The following EEPD1 variants were observed in gnomAD, a reference collection of about 807,000 sequenced individuals.
EEPD1 encodes endonuclease/exonuclease/phosphatase family domain containing 1.
In EEPD1, 17 loss-of-function variants were observed where a neutral mutation model predicts 46.3. That is an observed-to-expected ratio of 0.37 (90% CI 0.25 to 0.55). EEPD1 has a LOEUF of 0.55. Ranked by LOEUF, EEPD1 falls within the 20% of genes least tolerant of loss-of-function variation. The probability of loss-of-function intolerance (pLI) is 0.83; values close to 1 mark genes in which losing one functional copy is unlikely to be tolerated. For missense variants in EEPD1, 673 were observed against 745.6 expected (o/e 0.90, Z 1.13); for synonymous variants, 313 against 315.6 (o/e 0.99, Z 0.09).
chr7:36,294,744 G>T (rs1035098299), intron 6 of EEPD1, among the ~76,000 whole-genome samples: 12 of 152,200 alleles, frequency 7.9e-5, no homozygotes, highest in African/African-American at 2.9e-4. Flanking sequence ...TTTATATGGA[G>T]AGTTCATATA....
At chr7:36,275,382 A>G (rs1216623413) in intron 3 of EEPD1, among the ~76,000 whole-genome samples, 1 of 152,230 alleles carries the variant, frequency 6.6e-6, no homozygotes, top group East Asian at 1.9e-4. Context: ...AGGATCTCTG[A>G]ACTTAGTGGT....
At chr7:36,259,859 G>A (rs1473153901) in intron 3 of EEPD1, among the ~76,000 whole-genome samples, 1 of 152,178 alleles carries the variant, frequency 6.6e-6, no homozygotes, top group African/African-American at 2.4e-5. Context: ...AGATAAGACA[G>A]TAGATTAGTG....
chr7:36,177,372 G>A (rs1326508688), intron 2 of EEPD1, among the ~76,000 whole-genome samples: 1 of 152,064 alleles, frequency 6.6e-6, no homozygotes, highest in Non-Finnish European at 1.5e-5. Context: ...CCATCATCCA[G>A]GTAGTGAGCA....
chr7:36,160,939 T>A (rs1784894604), intron 2 of EEPD1, among the ~76,000 whole-genome samples: 1 of 152,164 alleles, frequency 6.6e-6, no homozygotes, highest in African/African-American at 2.4e-5. Flanking sequence ...CACACATGCC[T>A]CTGTATTATT....
At chr7:36,253,878 CT>C (rs1251508758) in intron 3 of EEPD1, among the ~76,000 whole-genome samples, 2 of 152,106 alleles carry the variant, frequency 1.3e-5, no homozygotes, top group Admixed American at 1.3e-4. Flanking sequence ...TTTTAATCCA[CT>C]TTTAGTCTCT....
chr7:36,167,058 C>T (rs956428892), intron 2 of EEPD1, among the ~76,000 whole-genome samples: 3 of 152,158 alleles, frequency 2.0e-5, no homozygotes, highest in Non-Finnish European at 4.4e-5. Context: ...CCTTTCCCTG[C>T]GTCTTCACAT....
chr7:36,194,747 C>T (rs1785547261), intron 2 of EEPD1, among the ~76,000 whole-genome samples: 1 of 152,176 alleles, frequency 6.6e-6, no homozygotes, highest in African/African-American at 2.4e-5. Context: ...GTTGGAGAGG[C>T]AGCAGGTGGT....
chr7:36,256,392 T>G (rs1200114888), intron 3 of EEPD1, among the ~76,000 whole-genome samples: 1 of 152,116 alleles, frequency 6.6e-6, no homozygotes, highest in Non-Finnish European at 1.5e-5. Flanking sequence ...TTTTCTGTCT[T>G]GTTGATCTGT....
At chr7:36,258,358 T>C (rs1786859702) in intron 3 of EEPD1, among the ~76,000 whole-genome samples, 1 of 152,200 alleles carries the variant, frequency 6.6e-6, no homozygotes, top group African/African-American at 2.4e-5. Context: ...AGCGCTGTGC[T>C]GGGAGATCCA....
chr7:36,204,447 C>G (rs537406380), intron 2 of EEPD1, among the ~76,000 whole-genome samples: 2 of 151,176 alleles, frequency 1.3e-5, no homozygotes, highest in East Asian at 3.9e-4. Context: ...GGAGGAGGGA[C>G]TTTTGTGTAG....
At chr7:36,293,649 C>T (rs1225777640) in intron 6 of EEPD1, among the ~76,000 whole-genome samples, 1 of 152,126 alleles carries the variant, frequency 6.6e-6, no homozygotes, top group Non-Finnish European at 1.5e-5. Flanking sequence ...AGGAACACCC[C>T]CACCCCATAC....
chr7:36,283,738 T>G (rs1443447197), intron 4 of EEPD1, among the ~76,000 whole-genome samples: 3 of 152,192 alleles, frequency 2.0e-5, no homozygotes, highest in African/African-American at 7.2e-5. Flanking sequence ...AACACGCATG[T>G]TCAGACAAGG....
chr7:36,196,372 C>T (rs983293272), intron 2 of EEPD1, among the ~76,000 whole-genome samples: 4 of 151,958 alleles, frequency 2.6e-5, no homozygotes, highest in African/African-American at 7.3e-5. Context: ...TCTTTCAGCT[C>T]GTCTCCCGTC....
intron 2 of EEPD1, among the ~76,000 whole-genome samples, chr7:36,222,007 A>G (rs1480997218): frequency 6.6e-6 from 1 of 152,150 alleles, no homozygotes; most frequent in Non-Finnish European, 1.5e-5. Context: ...TCATCACTAG[A>G]CACATTATAT....
chr7:36,236,312 G>A (rs534001800), intron 2 of EEPD1, among the ~76,000 whole-genome samples: 3 of 152,322 alleles, frequency 2.0e-5, no homozygotes, highest in East Asian at 3.9e-4. Flanking sequence ...GGGCGGAAGC[G>A]GCGCTGGCGG....
intron 4 of EEPD1, among the ~76,000 whole-genome samples, chr7:36,283,891 C>T (rs1232760466): frequency 6.6e-6 from 1 of 152,178 alleles, no homozygotes; most frequent in Non-Finnish European, 1.5e-5. Flanking sequence ...ATGCAGATGG[C>T]TCCCAGGCAG....
intron 2 of EEPD1, among the ~76,000 whole-genome samples, chr7:36,219,978 G>T (rs1786116053): frequency 2.0e-5 from 3 of 152,138 alleles, no homozygotes; most frequent in Non-Finnish European, 4.4e-5. Flanking sequence ...ATCCCACATG[G>T]CCTGAGCAGG....
intron 2 of EEPD1, among the ~76,000 whole-genome samples, chr7:36,209,015 G>T (rs561213588): frequency 2.0e-4 from 31 of 152,324 alleles, no homozygotes; most frequent in African/African-American, 7.5e-4. Context: ...ACTGGTCTCA[G>T]GCCTCAGGTG....
chr7:36,165,586 A>T (rs191505852), intron 2 of EEPD1, among the ~76,000 whole-genome samples: 4 of 134,692 alleles, frequency 3.0e-5, no homozygotes, highest in African/African-American at 8.3e-5. Flanking sequence ...CGCCCCAGCT[A>T]ATTTATTTAT....
Sources: gnomAD v4.1 joint callset for allele counts (sites outside exome capture counted in the v4.1 genomes callset) on GRCh38, gnomAD v4.1.1 for gene constraint, MANE v1.5 for transcripts, NCBI Gene and HGNC (gene_info 2026-07-23, HGNC 2026-07-21) for gene names.